Variants in SPDYE2 observed in about 807,000 individuals in gnomAD.
SPDYE2 encodes the protein speedy protein E2.
For missense variants in SPDYE2, 1 was observed against 121.0 expected (o/e 0.01, Z 4.65); for synonymous variants, 2 against 45.1 (o/e 0.04, Z 3.83).
At chr7:102,555,233 A>C (rs1201473168) in intron 3 of SPDYE2, among the ~76,000 whole-genome samples, 2 of 2,398 alleles carry the variant, frequency 8.3e-4, no homozygotes, top group Non-Finnish European at 7.1e-3. Flanking sequence ...ACGCTGTCTC[A>C]AAAAAAAAAA....
chr7:102,554,928 CAG>C (rs1278238096), intron 3 of SPDYE2, among the ~76,000 whole-genome samples: 1 of 127,538 alleles, frequency 7.8e-6, no homozygotes, highest in African/African-American at 2.8e-5. Flanking sequence ...GCCTGGGTGA[CAG>C]AGCAAAACCC....
At chr7:102,564,634 G>A (rs1800992951), downstream of SPDYE2, 1 of 152,054 alleles carries the variant, frequency 6.6e-6, no homozygotes, top group Admixed American at 6.5e-5. Context: ...CTTTCAAATT[G>A]CTGGGATTAT....
chr7:102,564,491 T>C (rs1800988287), downstream of SPDYE2: 4 of 148,876 alleles, frequency 2.7e-5, no homozygotes, highest in Middle Eastern at 3.5e-3. Flanking sequence ...CACTCTGACA[T>C]GCAATTCCTT....
At chr7:102,564,680 A>T, downstream of SPDYE2, 1 of 152,166 alleles carries the variant, frequency 6.6e-6, no homozygotes, top group Non-Finnish European at 1.5e-5. Context: ...GTGTGACACA[A>T]TTTTTTTTTT....
intron 3 of SPDYE2, among the ~76,000 whole-genome samples, chr7:102,555,360 T>C (rs1800758261): frequency 7.7e-6 from 1 of 130,484 alleles, no homozygotes; most frequent in African/African-American, 2.8e-5. Context: ...ACACCTGTAA[T>C]CCCAGCACTT....
rs544510906 is a variant in SPDYE2 at position 102,554,755 on chromosome 7, A to G, written c.379+178A>G. 2.3e-5 allele frequency among the ~76,000 whole-genome samples: 3 copies of G among 132,108 alleles called. 1 individual carries two copies. The highest frequency in any genetic ancestry group is 2.3e-4 in the South Asian group (1 of 4,336). 86.7% of individuals were successfully genotyped at this position (132,108 alleles called of 152,430 possible). A position where few individuals can be genotyped will look rare whatever the true frequency, so the allele number is the denominator to read the frequency against. ...TTAGGAGACGATAGAAGACTAGGCTAGACTTGATAAAGGTTGGCGCTTGGG... is the reference window on the plus strand; with the variant it reads ...TTAGGAGACGATAGAAGACTAGGCTGGACTTGATAAAGGTTGGCGCTTGGG... On this transcript the variant is annotated intron_variant, in intron 3 of 8. Transcript: ENST00000507918.
At chr7:102,555,260 A>AAAG (rs1800750824) in intron 3 of SPDYE2, among the ~76,000 whole-genome samples, 1 of 112,804 alleles carries the variant, frequency 8.9e-6, no homozygotes, top group African/African-American at 3.4e-5. Context: ...AAAAAAAAAA[A>AAAG]GAAGGAAGGA....
rs1324849901 is a variant in SPDYE2 at position 102,553,724 on chromosome 7, CAAAAAAAG to C, written c.160+317_160+324del. 1.1e-4 allele frequency among the ~76,000 whole-genome samples: 3 copies of C among 26,482 alleles called. 1 individual carries two copies. Among genetic ancestry groups the C allele is most frequent in the African/African-American group, 1.7e-4 (3 of 17,464 alleles). 17.4% of individuals were successfully genotyped at this position (26,482 alleles called of 152,430 possible). ...GAGCTGAGAGCACGCTACTGCACTC[CAAAAAAAG>C]AAAAAAAAGAAAAGAAGGGTCAGTG... is the stretch of plus-strand genomic sequence containing the variant. On this transcript the variant is annotated intron_variant, in intron 2 of 8. Coordinates refer to ENST00000507918, the Ensembl canonical transcript of SPDYE2.
rs1485561509 is a variant in SPDYE2, at chr7:102,557,343, T to G, written c.669+121T>G. 3.2e-3 allele frequency: 1,833 copies of G among 569,246 alleles called. 21 individuals carry two copies. The highest frequency in any genetic ancestry group is 0.027 in the East Asian group (510 of 18,932). The allele number at this position is 569,246 out of a possible 1,614,324, so 35.3% of individuals were successfully genotyped here. A position where few individuals can be genotyped will look rare whatever the true frequency, so the allele number is the denominator to read the frequency against. On this transcript the variant is annotated intron_variant, in intron 5 of 8. Coordinates refer to ENST00000507918, the Ensembl canonical transcript of SPDYE2. ...ACCAGATGCTCCTACAGTCTTTTTT[T>G]TTTTTTTTTGTGTGTGTGTGTGTGT...
intron 5 of SPDYE2, among the ~76,000 whole-genome samples, 192 bp downstream of exon 5, chr7:102,557,414 G>C (rs1286099793): frequency 2.2e-5 from 3 of 135,652 alleles, no homozygotes; most frequent in Admixed American, 1.6e-4. Flanking sequence ...CCAGGCTGGA[G>C]GGCAGTGTCT....
chr7:102,555,019 G>C (rs560199413), intron 3 of SPDYE2, among the ~76,000 whole-genome samples: 1 of 135,774 alleles, frequency 7.4e-6, no homozygotes, highest in Non-Finnish European at 1.6e-5. Flanking sequence ...GAGATGGGTG[G>C]ATCACTTGAG....
intron 1 of SPDYE2, 52 bp downstream of exon 1, chr7:102,551,340 C>T: frequency 6.5e-6 from 1 of 152,884 alleles, no homozygotes; most frequent in Admixed American, 6.5e-5. Flanking sequence ...TGGGTTAAAT[C>T]AGAGCTTTTC....
exon 9 of SPDYE2, chr7:102,562,778 T>TGGTTTATAG (rs1246219172): frequency 8.1e-6 from 1 of 123,516 alleles, no homozygotes; most frequent in African/African-American, 3.0e-5. Context: ...AATAATCTCT[T>TGGTTTATAG]CTATTTATAG....
chr7:102,558,178 A>G (rs62482994), intron 5 of SPDYE2, among the ~76,000 whole-genome samples: 1 of 3,744 alleles, frequency 2.7e-4, no homozygotes, highest in African/African-American at 2.9e-4. Flanking sequence ...TCTGCCTGGC[A>G]CACAAAAGAC....
downstream of SPDYE2, chr7:102,565,210 C>G (rs1801016601): frequency 1.1e-5 from 1 of 90,884 alleles, no homozygotes; most frequent in African/African-American, 2.8e-5. Flanking sequence ...TGCAGAAAAG[C>G]ATGATACTTT....
downstream of SPDYE2, chr7:102,564,666 G>C (rs1200805890): frequency 6.5e-6 from 1 of 154,074 alleles, no homozygotes; most frequent in Non-Finnish European, 1.4e-5. Context: ...ACTGCATCTG[G>C]CCTGTGTGAC....
intron 2 of SPDYE2, 104 bp from the exon 3 acceptor site, chr7:102,554,255 G>C (rs1480241805): frequency 6.4e-7 from 1 of 1,572,030 alleles, no homozygotes; most frequent in Non-Finnish European, 8.6e-7. Flanking sequence ...GAAGCCAGCA[G>C]TCTGCAAGTC....
chr7:102,557,269 G>A, intron 5 of SPDYE2, 47 bp downstream of exon 5: 1 of 485,964 alleles, frequency 2.1e-6, no homozygotes, highest in Non-Finnish European at 3.4e-6. Flanking sequence ...CGCATGGCTG[G>A]GGGGAGGGCG....
At position 102,558,158 on chromosome 7, in the gene SPDYE2, G is replaced by A. The variant is rs1344410763; in HGVS notation, c.670-309G>A. Among the ~76,000 whole-genome samples, 2 of 4,230 alleles carry A rather than the reference G, an allele frequency of 4.7e-4. 1 individual carries two copies. The highest frequency in any genetic ancestry group is 5.1e-4 in the African/African-American group (2 of 3,948). The allele number at this position is 4,230 out of a possible 152,430, so 2.8% of individuals were successfully genotyped here. On this transcript the variant is annotated intron_variant, in intron 5 of 8. Coordinates refer to ENST00000507918, the Ensembl canonical transcript of SPDYE2. ...CTGGCCCCTCTACTCTCAGCTCTTC[G>A]GGACAGTTCTCTGCCTGGCACACAA...
Sources: gnomAD v4.1 joint callset for allele counts (sites outside exome capture counted in the v4.1 genomes callset) on GRCh38, gnomAD v4.1.1 for gene constraint, MANE v1.5 for transcripts, NCBI Gene and HGNC (gene_info 2026-07-23, HGNC 2026-07-21) for gene names.